The following TSPEAR variants were observed in gnomAD, a reference collection of about 807,000 sequenced individuals.
TSPEAR encodes the protein thrombospondin-type laminin G domain and EAR repeat-containing protein.
Under a neutral mutation model 71.6 loss-of-function variants are expected in TSPEAR, and 69 were observed. The ratio of observed to expected loss-of-function variants is 0.96; its 90% confidence interval spans 0.79 to 1.18. The LOEUF is 1.18. Among genes scored for constraint, TSPEAR ranks in the 50% most tolerant of loss-of-function variants. TSPEAR has a pLI of 0.00. For synonymous variants in TSPEAR, 402 were observed against 387.2 expected (o/e 1.04, Z -0.45); for missense variants, 971 against 894.9 (o/e 1.09, Z -1.09).
At chr21:44,543,941 A>G (rs1207030062) in intron 2 of TSPEAR, among the ~76,000 whole-genome samples, 1 of 152,260 alleles carries the variant, frequency 6.6e-6, no homozygotes, top group Non-Finnish European at 1.5e-5. Flanking sequence ...AAAACAGTCA[A>G]TCCAAAAGCA....
chr21:44,705,012 C>T (rs1987842517), intron 1 of TSPEAR, among the ~76,000 whole-genome samples: 1 of 152,216 alleles, frequency 6.6e-6, no homozygotes, highest in Non-Finnish European at 1.5e-5. Context: ...AGCTCAGCCC[C>T]TAACCCCCTG....
intron 9 of TSPEAR, among the ~76,000 whole-genome samples, chr21:44,510,207 C>T (rs939353578): frequency 3.3e-5 from 5 of 152,078 alleles, no homozygotes; most frequent in African/African-American, 1.2e-4. Context: ...TGGGGCTGCA[C>T]GGGGAAGGGG....
chr21:44,704,665 G>A (rs1220150970), intron 1 of TSPEAR, among the ~76,000 whole-genome samples: 3 of 152,150 alleles, frequency 2.0e-5, no homozygotes, highest in Non-Finnish European at 2.9e-5. Context: ...TCCAGGATGG[G>A]CCCACAGGAA....
At position 44,614,272 on chromosome 21, in the gene TSPEAR, A is replaced by G. The variant is rs587770095; in HGVS notation, c.83-46267T>C. 2.0e-5 allele frequency among the ~76,000 whole-genome samples: 3 copies of G among 152,356 alleles called. No homozygotes were observed. The East Asian group carries it at 5.8e-4, about 29-fold the overall frequency. On this transcript the variant is annotated intron_variant, in intron 1 of 11. Coordinates refer to ENST00000323084, the MANE Select transcript of TSPEAR (RefSeq NM_144991.3). ...GTCTGAGCTGGGGATGGCCGTCCCCACTGACGTCAGGCAGCCCTAAGTTGG... is the reference window on the plus strand; with the variant it reads ...GTCTGAGCTGGGGATGGCCGTCCCCGCTGACGTCAGGCAGCCCTAAGTTGG...
chr21:44,539,214 A>C (rs233315), intron 2 of TSPEAR: 1,019,575 of 1,536,956 alleles, frequency 0.66, 339,727 homozygotes, highest in African/African-American at 0.72. Context: ...TAGGTGGGGG[A>C]AGCCACCTAA....
rs1478487513 is a variant in TSPEAR, at chr21:44,687,871, T to C, written c.82+23562A>G. Among the ~76,000 whole-genome samples the C allele has an allele frequency of 6.6e-6, 1 of 152,114 alleles. No individual in the cohort carries two copies. The highest frequency in any genetic ancestry group is 1.5e-5 in the Non-Finnish European group (1 of 68,010). ...TCGAGTTAATGGCAGGTTGCTGCAG[T>C]GTGTGAGTGAAGTGTGCGGTTGCTG... On this transcript the variant is annotated intron_variant, in intron 1 of 11. Transcript: ENST00000323084. This position sits in a 1 kb window ranked among gnomAD's most constrained non-coding sequence, Gnocchi z 4.4.
intron 1 of TSPEAR, chr21:44,591,865 G>T (rs781809399): frequency 1.9e-6 from 3 of 1,608,082 alleles, no homozygotes; most frequent in Non-Finnish European, 1.7e-6. Context: ...CTGGCAGCAT[G>T]AGGGTGTGCA....
intron 1 of TSPEAR, chr21:44,666,827 G>A: frequency 6.2e-7 from 1 of 1,609,316 alleles, no homozygotes; most frequent in African/African-American, 1.3e-5. Context: ...AGGCTGGCTG[G>A]CAGGGGCTGG....
At chr21:44,579,764 C>T (rs781818397) in intron 1 of TSPEAR, 24 of 1,610,074 alleles carry the variant, frequency 1.5e-5, no homozygotes, top group Admixed American at 1.3e-4. Flanking sequence ...GCAGAGGCCT[C>T]AGCAGGCCAG....
At position 44,702,805 on chromosome 21, in the gene TSPEAR, G is replaced by T. The variant is rs1987722056; in HGVS notation, c.82+8628C>A. The stretch of plus-strand genomic sequence containing the variant: ...AGGCCAGAAGCCCAGCTACTGACGG[G>T]CACGTCCCCCAGGGCCAGCCAGGCT... On this transcript the variant is annotated intron_variant, in intron 1 of 11. Coordinates refer to ENST00000323084, the MANE Select transcript of TSPEAR (RefSeq NM_144991.3). 5.8e-6 allele frequency: 7 copies of T among 1,215,894 alleles called. No homozygotes were observed. The Admixed American group carries it at 1.3e-4, about 22-fold the overall frequency. 75.3% of individuals were successfully genotyped at this position (1,215,894 alleles called of 1,614,324 possible). A position where few individuals can be genotyped will look rare whatever the true frequency, so the allele number is the denominator to read the frequency against.
chr21:44,661,118 C>CA (rs1294754491), intron 1 of TSPEAR, among the ~76,000 whole-genome samples: 1 of 151,460 alleles, frequency 6.6e-6, no homozygotes, highest in African/African-American at 2.4e-5. Flanking sequence ...ACTAAAAATA[C>CA]AAAAAATTAG....
Position 44,657,585 on chromosome 21 carries a change from G to C in TSPEAR, c.82+53848C>G, listed in dbSNP as rs140285096. Among the ~76,000 whole-genome samples, 730 of 152,274 alleles carry C rather than the reference G, an allele frequency of 4.8e-3. 4 individuals carry two copies. Among genetic ancestry groups the C allele is most frequent in the African/African-American group, 0.017 (710 of 41,546 alleles). On this transcript the variant is annotated intron_variant, in intron 1 of 11. Coordinates refer to ENST00000323084, the MANE Select transcript of TSPEAR (RefSeq NM_144991.3). Reference sequence around the variant, plus strand: ...TAAAGTTTTACTCTACAAAATTAAAGCTCAAAATACATTATTGCCTCAACA... The same window carrying C: ...TAAAGTTTTACTCTACAAAATTAAACCTCAAAATACATTATTGCCTCAACA...
At chr21:44,643,840 G>T (rs587603393) in intron 1 of TSPEAR, among the ~76,000 whole-genome samples, 1 of 152,208 alleles carries the variant, frequency 6.6e-6, no homozygotes, top group Non-Finnish European at 1.5e-5. Flanking sequence ...AGCAAACATC[G>T]GCTTAGTGCG....
At chr21:44,620,351 G>T (rs1982364190) in intron 1 of TSPEAR, among the ~76,000 whole-genome samples, 1 of 152,262 alleles carries the variant, frequency 6.6e-6, no homozygotes, top group Admixed American at 6.5e-5. Context: ...TCGATAGTAA[G>T]CTAAAGCAAT....
At chr21:44,551,775 C>G (rs587735119) in intron 2 of TSPEAR, among the ~76,000 whole-genome samples, 155 of 152,268 alleles carry the variant, frequency 1.0e-3, no homozygotes, top group African/African-American at 3.6e-3. Flanking sequence ...AAGGTGTGGC[C>G]TCTCTGGGGC....
At chr21:44,532,113 C>T (rs1225638634) in intron 3 of TSPEAR, among the ~76,000 whole-genome samples, 2 of 152,230 alleles carry the variant, frequency 1.3e-5, no homozygotes, top group Non-Finnish European at 2.9e-5. Flanking sequence ...CCTGTACCCT[C>T]CGTAGCAGCC....
In TSPEAR at chr21:44,682,199, C is replaced by A. The variant is rs115566645; in HGVS notation, c.82+29234G>T. 5,206 of 1,537,166 alleles carry A rather than the reference C, an allele frequency of 3.4e-3. 155 individuals carry two copies. In the African/African-American group the frequency reaches 0.063, roughly 19 times the overall value. On this transcript the variant is annotated intron_variant, in intron 1 of 11. Transcript: ENST00000323084. Reference sequence around the variant, plus strand: ...ATGGCCTCCCTGGGTAGCCTTTATACCTGGACCCAGGCATCCCCACAGCAC... The same window carrying A: ...ATGGCCTCCCTGGGTAGCCTTTATAACTGGACCCAGGCATCCCCACAGCAC...
At chr21:44,574,930 G>T in intron 1 of TSPEAR, 1 of 1,605,522 alleles carries the variant, frequency 6.2e-7, no homozygotes, top group Middle Eastern at 1.7e-4. Context: ...CAACCCAGCT[G>T]CTGCCGCCCA....
intron 1 of TSPEAR, chr21:44,677,559 G>T: frequency 2.2e-6 from 2 of 889,548 alleles, no homozygotes; most frequent in South Asian, 2.8e-5. Context: ...AGATGAGGAT[G>T]CTTCTTCTGA....
Sources: gnomAD v4.1 joint callset for allele counts (sites outside exome capture counted in the v4.1 genomes callset) on GRCh38, gnomAD v4.1.1 for gene constraint, Gnocchi (gnomAD v3.1) non-coding constraint, MANE v1.5 for transcripts, NCBI Gene and HGNC (gene_info 2026-07-23, HGNC 2026-07-21) for gene names.